The following WNT11 variants were observed in gnomAD, a reference collection of about 807,000 sequenced individuals.
The protein encoded by WNT11 is protein Wnt-11.
A neutral mutation model predicts 35.6 loss-of-function variants in WNT11; 20 were observed. That is an observed-to-expected ratio of 0.56 (90% confidence interval 0.40 to 0.82). WNT11 has a LOEUF of 0.82. WNT11 is among the 40% of genes least tolerant of loss of function. WNT11 has a pLI of 0.00. For missense variants in WNT11, 459 were observed against 504.4 expected (o/e 0.91, Z 0.86); for synonymous variants, 200 against 211.9 (o/e 0.94, Z 0.49).
chr11:76,210,577 G>A (rs765668594), upstream of WNT11: 154 of 985,228 alleles, frequency 1.6e-4, 1 homozygote, highest in Non-Finnish European at 1.8e-4. Context: ...CCGGCTGGGC[G>A]AGCGGCGAAG....
chr11:76,206,114 C>G (rs1418724475), intron 1 of WNT11, among the ~76,000 whole-genome samples: 1 of 151,734 alleles, frequency 6.6e-6, no homozygotes, highest in African/African-American at 2.4e-5. Flanking sequence ...CATTGTGGTC[C>G]ACGCCCGTCT....
upstream of WNT11, among the ~76,000 whole-genome samples, chr11:76,208,918 C>T (rs1565199290): frequency 1.3e-5 from 2 of 152,082 alleles, no homozygotes; most frequent in African/African-American, 4.8e-5. Flanking sequence ...CGCCTGAGCT[C>T]GCGGGTCAGG....
intron 1 of WNT11, among the ~76,000 whole-genome samples, chr11:76,199,494 G>C (rs116765874): frequency 1.3e-5 from 2 of 151,726 alleles, no homozygotes; most frequent in African/African-American, 4.8e-5. Context: ...AAAGGCTATG[G>C]TGAGACTTAA....
Position 76,186,471 on chromosome 11 carries a change from A to ATT in WNT11, c.*592_*593dup, listed in dbSNP as rs1461775660. 3 of 149,530 alleles carry ATT rather than the reference A, an allele frequency of 2.0e-5. No individual in the cohort carries two copies. The East Asian group carries it at 5.8e-4, about 29-fold the overall frequency. 9.3% of individuals were successfully genotyped at this position (149,530 alleles called of 1,614,324 possible). On this transcript the variant is annotated 3_prime_UTR_variant, in exon 5 of 5. Transcript: ENST00000322563. ...AAAAGCTAGTTTTAAAATAGAGATC[A>ATT]TTATATATATACATATATATTTATA...
Position 76,196,576 on chromosome 11 carries a change from C to A in WNT11, c.226G>T (p.Val76Phe). Residue 76 changes from valine (V) to phenylalanine (F), a missense_variant, in exon 2 of 5, where the codon GTC becomes TTC. Coordinates refer to ENST00000322563, the MANE Select transcript of WNT11 (RefSeq NM_004626.3). ...MHTVVHAAREVMKACRRAFAD... is the reference protein window; with the variant it reads ...MHTVVHAAREFMKACRRAFAD... ...AAGGCCCGGCGACAGGCCTTCATGA[C>A]CTCGCGGGCGGCGTGCACCACCGTG... 1.2e-6 allele frequency: 2 copies of A among 1,613,640 alleles called. No individual in the cohort carries two copies. Among genetic ancestry groups the A allele is most frequent in the Non-Finnish European group, 1.7e-6 (2 of 1,180,046 alleles).
In WNT11 at chr11:76,196,479, C is replaced by T. The variant is rs1362722288; in HGVS notation, c.319+4G>A. The T allele has an allele frequency of 6.2e-7, 1 of 1,613,156 alleles. No individual in the cohort carries two copies. Among genetic ancestry groups the T allele is most frequent in the Non-Finnish European group, 8.5e-7 (1 of 1,179,896 alleles). On this transcript the variant is annotated splice_donor_region_variant and intron_variant, in intron 2 of 4. Transcript: ENST00000322563. ...ATGCATTCAGCAGCCTCGCCAGCTC[C>T]TACCTCTCTCCAGGTCAAGCAAATA...
chr11:76,196,735 G>A lies in WNT11; in HGVS notation c.84-17C>T. On this transcript the variant is annotated splice_polypyrimidine_tract_variant and intron_variant, in intron 1 of 4. Coordinates refer to ENST00000322563, the MANE Select transcript of WNT11 (RefSeq NM_004626.3). Reference sequence around the variant, plus strand: ...GACAGCGCCCTGCACACCATGGAAAGGCCATGACCGATGGAAGGAGAGACA... The same window carrying A: ...GACAGCGCCCTGCACACCATGGAAAAGCCATGACCGATGGAAGGAGAGACA... The A allele has an allele frequency of 6.4e-7, 1 of 1,572,598 alleles. No homozygotes were observed. Among genetic ancestry groups the A allele is most frequent in the Non-Finnish European group, 8.7e-7 (1 of 1,155,880 alleles).
chr11:76,208,954 G>C (rs959352491), upstream of WNT11, among the ~76,000 whole-genome samples: 1 of 152,124 alleles, frequency 6.6e-6, no homozygotes, highest in Non-Finnish European at 1.5e-5. Flanking sequence ...GAAGCCCCCA[G>C]CCCGCCAGGG....
chr11:76,195,175 G>T, intron 2 of WNT11: 1 of 354,434 alleles, frequency 2.8e-6, no homozygotes, highest in South Asian at 9.1e-5. Flanking sequence ...CTCCTGATGC[G>T]CCAGACAAAT....
upstream of WNT11, among the ~76,000 whole-genome samples, chr11:76,207,561 G>T (rs1002321008): frequency 3.3e-5 from 5 of 152,216 alleles, no homozygotes; most frequent in East Asian, 9.7e-4. Flanking sequence ...CTGCTTTCTC[G>T]GTGTGGGAAG....
rs1306970872 is a variant in WNT11 at position 76,186,727 on chromosome 11, G to A, written c.*338C>T. The A allele has an allele frequency of 1.5e-5, 6 of 412,508 alleles. No individual in the cohort carries two copies. Among genetic ancestry groups the A allele is most frequent in the African/African-American group, 4.1e-5 (2 of 49,088 alleles). 25.6% of individuals were successfully genotyped at this position (412,508 alleles called of 1,614,324 possible). On this transcript the variant is annotated 3_prime_UTR_variant, in exon 5 of 5. Transcript: ENST00000322563. ...GAAGAAGGCGGGCAGACCCCTTCCCGGAGGCTGGTCTCTGTGGCCCTGAAA... is the reference window on the plus strand; with the variant it reads ...GAAGAAGGCGGGCAGACCCCTTCCCAGAGGCTGGTCTCTGTGGCCCTGAAA...
chr11:76,208,088 G>C (rs1244674276), upstream of WNT11, among the ~76,000 whole-genome samples: 5 of 152,214 alleles, frequency 3.3e-5, no homozygotes, highest in Admixed American at 6.5e-5. Context: ...CCCAGCCTCG[G>C]TGTCCCCTTC....
intron 2 of WNT11, chr11:76,195,120 C>T (rs553479902): frequency 6.1e-5 from 29 of 477,594 alleles, no homozygotes; most frequent in African/African-American, 4.6e-4. Flanking sequence ...TTGCCCTGCA[C>T]TGGCATTAGG....
At chr11:76,204,760 G>C (rs1295356516) in intron 1 of WNT11, among the ~76,000 whole-genome samples, 3 of 152,044 alleles carry the variant, frequency 2.0e-5, no homozygotes, top group Non-Finnish European at 4.4e-5. Flanking sequence ...AGGCCAGCGT[G>C]GGGGCTTGCG....
chr11:76,197,090 CA>C (rs2134585832), intron 1 of WNT11, among the ~76,000 whole-genome samples: 1 of 152,322 alleles, frequency 6.6e-6, no homozygotes, highest in African/African-American at 2.4e-5. Context: ...AGTCTTTATT[CA>C]ACATTCATTC....
upstream of WNT11, among the ~76,000 whole-genome samples, chr11:76,208,580 C>G (rs1381754836): frequency 1.3e-5 from 2 of 152,100 alleles, no homozygotes; most frequent in African/African-American, 2.4e-5. Context: ...TGCGCCGCCC[C>G]CCGAAGGCAC....
At chr11:76,189,002 G>A (rs1453781694) in intron 4 of WNT11, among the ~76,000 whole-genome samples, 1 of 152,220 alleles carries the variant, frequency 6.6e-6, no homozygotes, top group East Asian at 1.9e-4. Flanking sequence ...CCTGGGGAGA[G>A]TCAGCCGGTG....
chr11:76,196,708 T>C lies in WNT11; in HGVS notation c.94A>G (p.Lys32Glu). The change falls in exon 2 of 5, where the codon AAG becomes GAG. Residue 32 changes from lysine to glutamate, a missense_variant. Coordinates refer to ENST00000322563, the MANE Select transcript of WNT11 (RefSeq NM_004626.3). ...TTCAGTGCCAGGGCCGATGGTGTCT[T>C]GGACAGCGCCCTGCACACCATGGAA... ...CYGIKWLALS[K>E]TPSALALNQT... 1.2e-6 allele frequency: 2 copies of C among 1,607,168 alleles called. No homozygotes were observed. The highest frequency in any genetic ancestry group is 1.7e-6 in the Non-Finnish European group (2 of 1,177,146).
intron 1 of WNT11, among the ~76,000 whole-genome samples, chr11:76,198,643 G>A (rs1437878614): frequency 6.6e-6 from 1 of 152,184 alleles, no homozygotes; most frequent in Non-Finnish European, 1.5e-5. Flanking sequence ...ATTTGGTAAT[G>A]AATATGACAT....
Sources: allele counts gnomAD v4.1 joint callset (sites outside exome capture counted in the v4.1 genomes callset), GRCh38; gene constraint gnomAD v4.1.1; transcripts MANE v1.5; gene names NCBI Gene and HGNC (gene_info 2026-07-23, HGNC 2026-07-21).